Variants in FOXP1 observed in about 807,000 individuals in gnomAD.
FOXP1 encodes forkhead box protein P1.
FOXP1 carries 15 observed loss-of-function variants against 98.2 expected under a neutral mutation model. The ratio of observed to expected loss-of-function variants is 0.15; its 90% CI spans 0.10 to 0.24. The LOEUF is 0.24. Ranked by LOEUF, FOXP1 falls within the 10% of genes least tolerant of loss-of-function variation. The pLI is 1.00. For synonymous variants in FOXP1, 371 were observed against 314.5 expected, an observed-to-expected ratio of 1.18 and a Z score of -1.90; for missense variants, 633 against 848.5, an observed-to-expected ratio of 0.75 and a Z score of 3.15.
chr3:71,155,144 C>A (rs923741715), intron 6 of FOXP1, among the ~76,000 whole-genome samples: 4 of 152,050 alleles, frequency 2.6e-5, no homozygotes, highest in Non-Finnish European at 1.5e-5. Context: ...TTGTCTCAGT[C>A]CAAGGTTTGT....
intron 6 of FOXP1, among the ~76,000 whole-genome samples, chr3:71,140,267 C>T (rs2060005778): frequency 1.3e-5 from 2 of 152,224 alleles, no homozygotes; most frequent in African/African-American, 4.8e-5. Context: ...ATACACAAAG[C>T]CTGAAGACAA....
chr3:71,581,009 G>A, intron 2 of FOXP1: 1 of 984,254 alleles, frequency 1.0e-6, no homozygotes, highest in Non-Finnish European at 1.2e-6. Context: ...GCAACCAAAT[G>A]AAATGTTTAT....
chr3:71,506,039 T>G (rs943619964), intron 2 of FOXP1, among the ~76,000 whole-genome samples: 2 of 152,170 alleles, frequency 1.3e-5, no homozygotes, highest in African/African-American at 4.8e-5. Context: ...AAGACAACAA[T>G]AAGAGCCTTG....
intron 3 of FOXP1, among the ~76,000 whole-genome samples, chr3:71,399,161 C>T (rs986491076): frequency 7.2e-5 from 11 of 152,130 alleles, no homozygotes; most frequent in African/African-American, 1.7e-4. Flanking sequence ...AACAACCATA[C>T]GTGTGTCTAT....
intron 2 of FOXP1, among the ~76,000 whole-genome samples, chr3:71,558,122 T>G (rs1447569691): frequency 6.6e-6 from 1 of 152,184 alleles, no homozygotes; most frequent in African/African-American, 2.4e-5. Context: ...AGACAGTGTA[T>G]GCACAGCCTC....
At chr3:71,218,911 C>T (rs556790261) in intron 5 of FOXP1, among the ~76,000 whole-genome samples, 4 of 152,252 alleles carry the variant, frequency 2.6e-5, no homozygotes, top group African/African-American at 7.2e-5. Flanking sequence ...GAGCTGCAGT[C>T]CCTTGTTCCT....
intron 6 of FOXP1, among the ~76,000 whole-genome samples, chr3:71,183,872 G>C (rs1244473549): frequency 6.6e-6 from 1 of 152,148 alleles, no homozygotes; most frequent in Non-Finnish European, 1.5e-5. Flanking sequence ...GCCCTCCAGC[G>C]CCTGGCGTGG....
intron 5 of FOXP1, among the ~76,000 whole-genome samples, chr3:71,244,448 C>A (rs1340460441): frequency 7.0e-6 from 1 of 143,686 alleles, no homozygotes; most frequent in African/African-American, 2.6e-5. Flanking sequence ...CAGATAATAA[C>A]AGGCAAGCCT....
intron 3 of FOXP1, among the ~76,000 whole-genome samples, chr3:71,401,147 G>A (rs987192326): frequency 6.6e-6 from 1 of 152,150 alleles, no homozygotes; most frequent in African/African-American, 2.4e-5. Flanking sequence ...AGTTACATAT[G>A]AAAGAAACTG....
At chr3:71,465,269 T>G (rs1258206447) in intron 3 of FOXP1, among the ~76,000 whole-genome samples, 3 of 147,178 alleles carry the variant, frequency 2.0e-5, no homozygotes, top group African/African-American at 7.6e-5. Context: ...ATCACACCAT[T>G]GCACTCCAGC....
intron 11 of FOXP1, among the ~76,000 whole-genome samples, chr3:71,020,963 G>C (rs1366049632): frequency 6.6e-6 from 1 of 152,144 alleles, no homozygotes; most frequent in Non-Finnish European, 1.5e-5. Flanking sequence ...TCACTGGCAT[G>C]TTATTTGATA....
chr3:71,163,337 TAGAG>T (rs1175520616), intron 6 of FOXP1, among the ~76,000 whole-genome samples: 3 of 152,164 alleles, frequency 2.0e-5, no homozygotes, highest in Non-Finnish European at 2.9e-5. Context: ...CAAGGGAACT[TAGAG>T]AGCGGGATTT....
intron 3 of FOXP1, among the ~76,000 whole-genome samples, chr3:71,381,964 T>C (rs1375937436): frequency 1.3e-5 from 2 of 151,896 alleles, no homozygotes; most frequent in African/African-American, 4.9e-5. Flanking sequence ...TGCAAATGAC[T>C]GAATTAACAT....
intron 19 of FOXP1, 112 bp downstream of exon 19, chr3:70,970,624 A>C: frequency 1.1e-6 from 1 of 943,632 alleles, no homozygotes; most frequent in Non-Finnish European, 1.8e-6. Context: ...TTAAGAAAAA[A>C]GTTTAACGGA....
Position 71,581,583 on chromosome 3 carries a change from T to C in FOXP1, c.-332A>G. ...CCGGGGAGGGAGTAGGAGCGCCGCC[T>C]TCACGCCCGCGGAGGAGGCGCCGGC... is the stretch of plus-strand genomic sequence containing the variant. On this transcript the variant is annotated 5_prime_UTR_variant, in exon 2 of 21. Coordinates refer to ENST00000649528, the MANE Select transcript of FOXP1 (RefSeq NM_001349338.3). 1 of 985,474 alleles carries C rather than the reference T, an allele frequency of 1.0e-6. No homozygotes were observed. The highest frequency in any genetic ancestry group is 1.2e-6 in the Non-Finnish European group (1 of 829,972). The allele number at this position is 985,474 out of a possible 1,614,324, so 61.0% of individuals were successfully genotyped here. A position where few individuals can be genotyped will look rare whatever the true frequency, so the allele number is the denominator to read the frequency against.
intron 2 of FOXP1, among the ~76,000 whole-genome samples, chr3:71,568,872 C>A (rs544691756): frequency 6.6e-6 from 1 of 152,250 alleles, no homozygotes; most frequent in Admixed American, 6.5e-5. Context: ...ATCTTGAACT[C>A]CTGACCTCAG....
At chr3:71,357,353 AC>A (rs1456173140) in intron 4 of FOXP1, among the ~76,000 whole-genome samples, 1 of 152,258 alleles carries the variant, frequency 6.6e-6, no homozygotes, top group Non-Finnish European at 1.5e-5. Context: ...TAAAATATTT[AC>A]TGAGCTGTAT....
chr3:71,400,105 G>A (rs2081850370), intron 3 of FOXP1, among the ~76,000 whole-genome samples: 1 of 151,988 alleles, frequency 6.6e-6, no homozygotes, highest in African/African-American at 2.4e-5. Context: ...ACTTGGCAGT[G>A]TATGTTTTCC....
intron 3 of FOXP1, among the ~76,000 whole-genome samples, chr3:71,470,000 C>T (rs1050905408): frequency 1.3e-5 from 2 of 151,946 alleles, no homozygotes; most frequent in Non-Finnish European, 2.9e-5. Flanking sequence ...ATCTCTCTCT[C>T]CTCTCGCTTT....
Sources: gnomAD v4.1 joint callset for allele counts (sites outside exome capture counted in the v4.1 genomes callset) on GRCh38, gnomAD v4.1.1 for gene constraint, MANE v1.5 for transcripts, NCBI Gene and HGNC (gene_info 2026-07-23, HGNC 2026-07-21) for gene names.